Variants in NFIB observed in about 807,000 individuals in gnomAD.
NFIB encodes the protein nuclear factor 1 B-type.
NFIB carries 11 observed loss-of-function variants against 61.5 expected under a neutral mutation model. That is an observed-to-expected ratio of 0.18 (90% CI 0.11 to 0.30). The LOEUF is 0.30. NFIB is among the 10% of genes least tolerant of loss of function. NFIB has a pLI of 1.00. For synonymous variants in NFIB, 260 were observed against 216.5 expected (o/e 1.20, Z -1.76); for missense variants, 471 against 608.9 (o/e 0.77, Z 2.38).
At chr9:14,282,701 T>C (rs183851577) in intron 2 of NFIB, among the ~76,000 whole-genome samples, 1 of 152,212 alleles carries the variant, frequency 6.6e-6, no homozygotes, top group Non-Finnish European at 1.5e-5. Context: ...TTTTTACAGA[T>C]CAGGAAACAG....
intron 2 of NFIB, among the ~76,000 whole-genome samples, chr9:14,252,832 T>C (rs2055793806): frequency 6.6e-6 from 1 of 152,072 alleles, no homozygotes; most frequent in African/African-American, 2.4e-5. Flanking sequence ...TGCAGCAAAA[T>C]ATTGCACCCA....
At chr9:14,404,857 G>A in the NFIB span, among the ~76,000 whole-genome samples, 2 of 152,152 alleles carry the variant, frequency 1.3e-5, no homozygotes, top group Non-Finnish European at 2.9e-5. Flanking sequence ...CATTGGTGGT[G>A]CAAGCTTCCG....
At chr9:14,407,726 G>A in the NFIB span, among the ~76,000 whole-genome samples, 3 of 152,198 alleles carry the variant, frequency 2.0e-5, no homozygotes, top group East Asian at 5.8e-4. Context: ...TTGCTTTGTT[G>A]CCCAGGCTGG....
the NFIB span, among the ~76,000 whole-genome samples, chr9:14,444,827 G>C: frequency 6.6e-6 from 1 of 152,104 alleles, no homozygotes; most frequent in Non-Finnish European, 1.5e-5. Flanking sequence ...AAGGACTGTA[G>C]AGACCCTTTT....
intron 3 of NFIB, among the ~76,000 whole-genome samples, chr9:14,158,011 C>T (rs990683286): frequency 3.3e-5 from 5 of 149,378 alleles, no homozygotes; most frequent in East Asian, 2.0e-4. Context: ...CTCGGGAGGC[C>T]GAGGCAGGAG....
intron 1 of NFIB, among the ~76,000 whole-genome samples, chr9:14,343,750 T>C (rs1184154001): frequency 2.5e-5 from 3 of 119,662 alleles, no homozygotes; most frequent in African/African-American, 9.9e-5. Context: ...AGAGAGGGAG[T>C]GAGAGAAAGA....
chr9:14,125,157 A>T (rs1325474501), intron 7 of NFIB, among the ~76,000 whole-genome samples: 1 of 152,000 alleles, frequency 6.6e-6, no homozygotes, highest in Non-Finnish European at 1.5e-5. Flanking sequence ...GACTTTGAAA[A>T]TCTTTCTTTT....
chr9:14,468,741 T>A, the NFIB span, among the ~76,000 whole-genome samples: 121 of 152,366 alleles, frequency 7.9e-4, no homozygotes, highest in East Asian at 0.018. Flanking sequence ...GCATTTTGAA[T>A]GCTAGGTGTT....
intron 2 of NFIB, among the ~76,000 whole-genome samples, chr9:14,282,708 A>C (rs1470031906): frequency 1.3e-5 from 2 of 152,232 alleles, no homozygotes; most frequent in African/African-American, 4.8e-5. Flanking sequence ...AGATCAGGAA[A>C]CAGGTTCCTG....
chr9:14,121,225 T>G (rs1425397439), intron 7 of NFIB, among the ~76,000 whole-genome samples: 2 of 152,160 alleles, frequency 1.3e-5, no homozygotes, highest in Non-Finnish European at 1.5e-5. Context: ...GATGGCGCCA[T>G]TGCGCTCCAA....
chr9:14,361,478 T>A (rs72700533), intron 1 of NFIB: 1 of 152,220 alleles, frequency 6.6e-6, no homozygotes, highest in African/African-American at 2.4e-5. Flanking sequence ...TTGTTCTGAA[T>A]ATTTTCATGA....
chr9:14,121,806 A>G (rs1049786120), intron 7 of NFIB, among the ~76,000 whole-genome samples: 16 of 152,144 alleles, frequency 1.1e-4, no homozygotes, highest in African/African-American at 3.1e-4. Context: ...AACACATGCA[A>G]TGTGGACAAT....
intron 10 of NFIB, chr9:14,102,564 A>T (rs2035936075): frequency 6.8e-7 from 1 of 1,460,650 alleles, no homozygotes; most frequent in Admixed American, 2.0e-5. Context: ...TACAGTTTTT[A>T]GTATTTAAAT....
intron 2 of NFIB, among the ~76,000 whole-genome samples, chr9:14,247,918 T>G (rs1358814800): frequency 2.0e-5 from 3 of 151,372 alleles, no homozygotes; most frequent in African/African-American, 7.3e-5. Flanking sequence ...CAGTATCTAC[T>G]AATTTTTTCT....
chr9:14,350,328 G>A (rs1040170494), intron 1 of NFIB, among the ~76,000 whole-genome samples: 1 of 152,200 alleles, frequency 6.6e-6, no homozygotes, highest in Non-Finnish European at 1.5e-5. Flanking sequence ...AACGAAGGGC[G>A]TTTCTCTAAG....
At chr9:14,430,906 T>G in the NFIB span, among the ~76,000 whole-genome samples, 2 of 152,130 alleles carry the variant, frequency 1.3e-5, no homozygotes, top group Non-Finnish European at 2.9e-5. Flanking sequence ...AATTGACATT[T>G]TGGAGAGACA....
chr9:14,143,199 A>G (rs1486239514), intron 6 of NFIB, among the ~76,000 whole-genome samples: 1 of 152,144 alleles, frequency 6.6e-6, no homozygotes, highest in Non-Finnish European at 1.5e-5. Context: ...AAATTACATA[A>G]GGACATAATT....
chr9:14,532,018 C>G, the NFIB span: 1 of 152,908 alleles, frequency 6.5e-6, no homozygotes, highest in Non-Finnish European at 1.5e-5. Context: ...GTTTTCCCAG[C>G]CATTATGCTG....
At chr9:14,161,344 A>G (rs567525961) in intron 3 of NFIB, among the ~76,000 whole-genome samples, 1 of 152,274 alleles carries the variant, frequency 6.6e-6, no homozygotes, top group African/African-American at 2.4e-5. Flanking sequence ...ACATTCAAAT[A>G]TTAATTTAGA....
Sources: allele counts gnomAD v4.1 joint callset (sites outside exome capture counted in the v4.1 genomes callset), GRCh38; gene constraint gnomAD v4.1.1; transcripts MANE v1.5; gene names NCBI Gene and HGNC (gene_info 2026-07-23, HGNC 2026-07-21).